The following SEMA5A variants were observed in gnomAD, a reference collection of about 807,000 sequenced individuals.
The protein encoded by SEMA5A is semaphorin 5A.
In SEMA5A, 55 loss-of-function variants were observed where a neutral mutation model predicts 135.5. That is an observed-to-expected ratio of 0.41 (90% CI 0.33 to 0.51). The LOEUF is 0.51. Ranked by LOEUF, SEMA5A falls within the 20% of genes least tolerant of loss-of-function variation. The pLI is 0.37. For missense variants in SEMA5A, 1,290 were observed against 1,419.9 expected (o/e 0.91, Z 1.47); for synonymous variants, 580 against 546.5 (o/e 1.06, Z -0.85).
At chr5:9,339,845 G>T (rs1753565729) in intron 3 of SEMA5A, among the ~76,000 whole-genome samples, 1 of 152,180 alleles carries the variant, frequency 6.6e-6, no homozygotes, top group African/African-American at 2.4e-5. Context: ...GAATGGTCTG[G>T]AAAGAGTAGA....
At chr5:9,182,156 A>T (rs2428655) in intron 11 of SEMA5A, among the ~76,000 whole-genome samples, 1 of 109,768 alleles carries the variant, frequency 9.1e-6, no homozygotes, top group Non-Finnish European at 1.8e-5. Context: ...TCTGCCCCCC[A>T]CCCCAAAAAA....
At chr5:9,234,410 T>C (rs929134540) in intron 6 of SEMA5A, among the ~76,000 whole-genome samples, 1 of 152,168 alleles carries the variant, frequency 6.6e-6, no homozygotes. Flanking sequence ...AAAGAGGAAC[T>C]TATAAAGGTG....
intron 13 of SEMA5A, among the ~76,000 whole-genome samples, chr5:9,126,547 G>A (rs796919987): frequency 9.1e-5 from 12 of 131,174 alleles, no homozygotes; most frequent in African/African-American, 3.5e-4. Context: ...GGAACAACAG[G>A]AATGACAGCA....
chr5:9,506,007 G>T (rs1735862320), intron 1 of SEMA5A, among the ~76,000 whole-genome samples: 2 of 152,222 alleles, frequency 1.3e-5, no homozygotes, highest in South Asian at 4.1e-4. Flanking sequence ...GACTACTGGT[G>T]GTCCTCAACC....
intron 8 of SEMA5A, among the ~76,000 whole-genome samples, chr5:9,207,991 A>T (rs1746141370): frequency 6.6e-6 from 1 of 152,142 alleles, no homozygotes; most frequent in Non-Finnish European, 1.5e-5. Flanking sequence ...GAGTATAGAG[A>T]TATATGTATA....
At chr5:9,323,572 G>T (rs1302010068) in intron 4 of SEMA5A, among the ~76,000 whole-genome samples, 1 of 151,432 alleles carries the variant, frequency 6.6e-6, no homozygotes, top group Non-Finnish European at 1.5e-5. Context: ...CATGCCAGTT[G>T]ATTGGTTATA....
At chr5:9,216,538 T>C (rs1746639314) in intron 8 of SEMA5A, among the ~76,000 whole-genome samples, 1 of 152,200 alleles carries the variant, frequency 6.6e-6, no homozygotes, top group African/African-American at 2.4e-5. Flanking sequence ...CCTGAATATC[T>C]TTGTTAATTT....
At chr5:9,388,638 G>A (rs533440776) in intron 2 of SEMA5A, among the ~76,000 whole-genome samples, 2 of 152,132 alleles carry the variant, frequency 1.3e-5, no homozygotes, top group Non-Finnish European at 2.9e-5. Context: ...GGTGGCTCAC[G>A]CCTGTAATCC....
chr5:9,078,368 G>T (rs989337907), intron 16 of SEMA5A, among the ~76,000 whole-genome samples: 6 of 152,146 alleles, frequency 3.9e-5, no homozygotes, highest in African/African-American at 1.2e-4. Flanking sequence ...AATTTGTACA[G>T]ATTTTAAGAG....
At chr5:9,432,613 G>A (rs16882748) in intron 2 of SEMA5A, among the ~76,000 whole-genome samples, 21,514 of 151,992 alleles carry the variant, frequency 0.14, 1,607 homozygotes, top group South Asian at 0.18. Context: ...ATCTGTCCAC[G>A]GTCAGGTGGT....
chr5:9,042,886 C>T lies in SEMA5A; in HGVS notation c.*11G>A. On this transcript the variant is annotated 3_prime_UTR_variant, in exon 23 of 23. Transcript: ENST00000382496. Reference sequence around the variant, plus strand: ...CTGGGGATTTACAAGAAGCCAAAAACATGAAAGCTGTTAGTACTCATCATA... The same window carrying T: ...CTGGGGATTTACAAGAAGCCAAAAATATGAAAGCTGTTAGTACTCATCATA... The T allele has an allele frequency of 6.2e-7, 1 of 1,613,714 alleles. No homozygotes were observed. The highest frequency in any genetic ancestry group is 1.1e-5 in the South Asian group (1 of 90,930).
chr5:9,440,931 A>C (rs1456500069), intron 1 of SEMA5A, among the ~76,000 whole-genome samples: 2 of 152,240 alleles, frequency 1.3e-5, no homozygotes, highest in Non-Finnish European at 2.9e-5. Flanking sequence ...AAAATGGACA[A>C]GACCACCTGG....
At chr5:9,349,054 T>A (rs1753999719) in intron 3 of SEMA5A, among the ~76,000 whole-genome samples, 1 of 152,228 alleles carries the variant, frequency 6.6e-6, no homozygotes, top group Non-Finnish European at 1.5e-5. Flanking sequence ...TCTAAGCCAC[T>A]ACTTCTTCAG....
At chr5:9,449,028 A>G (rs981729257) in intron 1 of SEMA5A, among the ~76,000 whole-genome samples, 4 of 152,216 alleles carry the variant, frequency 2.6e-5, no homozygotes, top group African/African-American at 9.6e-5. Flanking sequence ...AAAGACCTAG[A>G]GGCAGAAATA....
intron 16 of SEMA5A, among the ~76,000 whole-genome samples, chr5:9,076,230 AT>A (rs1738052013): frequency 6.6e-6 from 1 of 150,412 alleles, no homozygotes; most frequent in Non-Finnish European, 1.5e-5. Context: ...AAAAGAAATT[AT>A]CTTGAAATCA....
chr5:9,410,742 C>T (rs191350179), intron 2 of SEMA5A, among the ~76,000 whole-genome samples: 2 of 151,878 alleles, frequency 1.3e-5, no homozygotes, highest in East Asian at 3.9e-4. Flanking sequence ...TCTTAGAGAG[C>T]GGGTCAATAG....
At chr5:9,201,370 T>G (rs556799615) in intron 9 of SEMA5A, among the ~76,000 whole-genome samples, 1 of 152,368 alleles carries the variant, frequency 6.6e-6, no homozygotes, top group South Asian at 2.1e-4. Flanking sequence ...AGTATCTCCC[T>G]GTCCCACCCC....
At chr5:9,532,440 C>CTTT (rs4045370) in intron 1 of SEMA5A, among the ~76,000 whole-genome samples, 1 of 125,144 alleles carries the variant, frequency 8.0e-6, no homozygotes, top group African/African-American at 3.1e-5. Flanking sequence ...TAATTTTTTT[C>CTTT]TTTTTTTTTT....
intron 1 of SEMA5A, among the ~76,000 whole-genome samples, chr5:9,529,837 C>A (rs941009303): frequency 1.3e-5 from 2 of 152,220 alleles, no homozygotes; most frequent in African/African-American, 4.8e-5. Context: ...GCAACCTGAG[C>A]TATTACCACA....
Sources: allele counts gnomAD v4.1 joint callset (sites outside exome capture counted in the v4.1 genomes callset), GRCh38; gene constraint gnomAD v4.1.1; transcripts MANE v1.5; gene names NCBI Gene and HGNC (gene_info 2026-07-23, HGNC 2026-07-21).